CTNND2: variants seen among roughly 807,000 people sequenced by gnomAD.
CTNND2 encodes the protein catenin delta-2.
In CTNND2, 22 loss-of-function variants were observed where a neutral mutation model predicts 144.4. The ratio of observed to expected loss-of-function variants is 0.15; its 90% CI spans 0.11 to 0.22. The LOEUF is 0.22. CTNND2 is among the 10% of genes least tolerant of loss of function. The probability of loss-of-function intolerance (pLI) is 1.00; values close to 1 mark genes in which losing one functional copy is unlikely to be tolerated. For missense variants in CTNND2, 1,353 were observed against 1,618.8 expected (o/e 0.84, Z 2.82); for synonymous variants, 751 against 695.6 (o/e 1.08, Z -1.25).
chr5:11,699,857 C>T (rs72734942), intron 2 of CTNND2, among the ~76,000 whole-genome samples: 3,593 of 152,272 alleles, frequency 0.024, 71 homozygotes, highest in Non-Finnish European at 0.039. Flanking sequence ...ATAAGTACAA[C>T]GTGCCAGGGT....
intron 10 of CTNND2, among the ~76,000 whole-genome samples, chr5:11,207,385 A>T (rs536711937): frequency 1.3e-3 from 175 of 132,108 alleles, no homozygotes; most frequent in African/African-American, 3.6e-3. Context: ...TCAAGTATTT[A>T]AAAAAAAAAA....
intron 10 of CTNND2, among the ~76,000 whole-genome samples, chr5:11,214,857 T>C (rs1310084236): frequency 2.0e-5 from 3 of 152,194 alleles, no homozygotes; most frequent in Non-Finnish European, 2.9e-5. Context: ...TCAAGAATGA[T>C]GGTATGACCA....
At chr5:11,640,562 G>A (rs528906695) in intron 2 of CTNND2, among the ~76,000 whole-genome samples, 5 of 152,290 alleles carry the variant, frequency 3.3e-5, no homozygotes, top group African/African-American at 1.2e-4. Context: ...TAATTAGTAA[G>A]ACAACGGGAC....
At chr5:11,594,135 C>A (rs1024827408) in intron 2 of CTNND2, among the ~76,000 whole-genome samples, 3 of 152,190 alleles carry the variant, frequency 2.0e-5, no homozygotes, top group Non-Finnish European at 2.9e-5. Flanking sequence ...TCAGTCCCAA[C>A]TGAACACTAC....
rs566656061 is a variant in CTNND2 at position 11,565,275 on chromosome 5, T to G, written c.175-219A>C. Among the ~76,000 whole-genome samples the G allele has an allele frequency of 1.2e-4, 19 of 152,344 alleles. 1 individual carries two copies. The South Asian group carries it at 3.7e-3, about 30-fold the overall frequency. On this transcript the variant is annotated intron_variant, in intron 2 of 21. Coordinates refer to ENST00000304623, the MANE Select transcript of CTNND2 (RefSeq NM_001332.4). ...ATTCATGTAAGTATCAGTTTCATCA[T>G]TTGTAAAACAGACTTAAATACTTAT...
chr5:11,071,923 C>T (rs1306053935), intron 16 of CTNND2, among the ~76,000 whole-genome samples: 1 of 152,134 alleles, frequency 6.6e-6, no homozygotes, highest in Non-Finnish European at 1.5e-5. Flanking sequence ...TCATTTCTAT[C>T]ACTGGGAAAA....
In CTNND2 at chr5:10,982,705, T is replaced by C. The variant is rs180882342; in HGVS notation, c.3344-859A>G. On this transcript the variant is annotated intron_variant, in intron 20 of 21. Transcript: ENST00000304623. ...CAAAAGATATCTGCATTCCCATGTT[T>C]ATTGCAGTGCTGTTGACAATAGCCT... Among the ~76,000 whole-genome samples the C allele has an allele frequency of 2.5e-4, 38 of 152,342 alleles. No individual in the cohort carries two copies. In the East Asian group the frequency reaches 5.2e-3, roughly 21 times the overall value.
In CTNND2 at chr5:11,385,039, G is replaced by T. The variant is rs765655737; in HGVS notation, c.803C>A (p.Pro268Gln). The T allele has an allele frequency of 1.4e-3, 1,650 of 1,177,374 alleles. 1 individual carries two copies. Among genetic ancestry groups the T allele is most frequent in the Non-Finnish European group, 1.4e-3 (1,381 of 957,672 alleles). The allele number at this position is 1,177,374 out of a possible 1,614,324, so 72.9% of individuals were successfully genotyped here. A position where few individuals can be genotyped will look rare whatever the true frequency, so the allele number is the denominator to read the frequency against. ...TLPAPPRGGSPLAAPQGGSPT... is the reference protein window; with the variant it reads ...TLPAPPRGGSQLAAPQGGSPT... ...CGAACCGCCCTGGGGCGCGGCCAGC[G>T]GGGAGCCCCCGCGCGGCGGCGCGGG... is the stretch of plus-strand genomic sequence containing the variant. Residue 268 changes from proline to glutamine, a missense_variant, in exon 7 of 22, where the codon CCG becomes CAG. Coordinates refer to ENST00000304623, the MANE Select transcript of CTNND2 (RefSeq NM_001332.4).
intron 2 of CTNND2, among the ~76,000 whole-genome samples, chr5:11,669,789 T>TA (rs1783776800): frequency 6.6e-6 from 1 of 152,142 alleles, no homozygotes; most frequent in Admixed American, 6.5e-5. Flanking sequence ...TGTCTTCTGC[T>TA]AGCTTGTGAA....
intron 1 of CTNND2, among the ~76,000 whole-genome samples, chr5:11,803,514 C>T (rs536348286): frequency 6.6e-6 from 1 of 152,246 alleles, no homozygotes; most frequent in East Asian, 1.9e-4. Context: ...AATGATATTT[C>T]GGAGGTAGAC....
rs549539953 is a variant in CTNND2 at position 11,575,185 on chromosome 5, T to C, written c.175-10129A>G. 3.2e-4 allele frequency among the ~76,000 whole-genome samples: 48 copies of C among 152,340 alleles called. No individual in the cohort carries two copies. The South Asian group carries it at 9.7e-3, about 31-fold the overall frequency. ...CCTGTCTCCTCTCCTGGACCATATA[T>C]GCCTTGATGACAGGCACCATGCTTT... On this transcript the variant is annotated intron_variant, in intron 2 of 21. Coordinates refer to ENST00000304623, the MANE Select transcript of CTNND2 (RefSeq NM_001332.4).
chr5:11,701,144 G>T (rs2126670974), intron 2 of CTNND2, among the ~76,000 whole-genome samples: 1 of 152,240 alleles, frequency 6.6e-6, no homozygotes, highest in African/African-American at 2.4e-5. Flanking sequence ...CAAAATCATG[G>T]GCCACAGGTG....
chr5:11,598,433 C>T (rs546282374), intron 2 of CTNND2, among the ~76,000 whole-genome samples: 9 of 152,068 alleles, frequency 5.9e-5, no homozygotes, highest in Admixed American at 2.0e-4. Flanking sequence ...TCCCACTAAG[C>T]GATTCTTTAC....
At chr5:11,395,607 T>C (rs1760027644) in intron 6 of CTNND2, among the ~76,000 whole-genome samples, 1 of 152,236 alleles carries the variant, frequency 6.6e-6, no homozygotes, top group Non-Finnish European at 1.5e-5. Context: ...CAACTTTGAA[T>C]GTGGGTAGAG....
chr5:11,637,759 T>G (rs1046061859), intron 2 of CTNND2, among the ~76,000 whole-genome samples: 1 of 152,204 alleles, frequency 6.6e-6, no homozygotes, highest in Non-Finnish European at 1.5e-5. Context: ...AAATTATTTA[T>G]TATTTATTTT....
At chr5:10,994,088 AC>A (rs1430961995) in intron 18 of CTNND2, among the ~76,000 whole-genome samples, 4 of 150,754 alleles carry the variant, frequency 2.7e-5, no homozygotes, top group Non-Finnish European at 5.9e-5. Flanking sequence ...TCTGCATTCT[AC>A]AGGAAGAATT....
chr5:11,416,547 C>G (rs1004351859), intron 3 of CTNND2, among the ~76,000 whole-genome samples: 1 of 152,112 alleles, frequency 6.6e-6, no homozygotes, highest in Admixed American at 6.6e-5. Flanking sequence ...ATGCAATTGC[C>G]TATTTTATGT....
rs1738315160 is a variant in CTNND2, at chr5:10,988,635, C to T, written c.3212-393G>A. ...TTCCCTTTCCTTCCCGTGCTCCCTT[C>T]CTTAATTAGATGTGTTTCAGAAGAT... is the stretch of plus-strand genomic sequence containing the variant. On this transcript the variant is annotated intron_variant, in intron 19 of 21. Coordinates refer to ENST00000304623, the MANE Select transcript of CTNND2 (RefSeq NM_001332.4). The surrounding 1 kb of genome is among the most constrained non-coding windows in gnomAD (Gnocchi z 5.9). Among the ~76,000 whole-genome samples, 2 of 152,132 alleles carry T rather than the reference C, an allele frequency of 1.3e-5. No homozygotes were observed. The highest frequency in any genetic ancestry group is 1.3e-4 in the Admixed American group (2 of 15,274).
chr5:10,981,041 A>G lies in CTNND2; in HGVS notation c.3417+732T>C, dbSNP rs532827049. 1.4e-4 allele frequency among the ~76,000 whole-genome samples: 21 copies of G among 152,232 alleles called. No individual in the cohort carries two copies. In the South Asian group the frequency reaches 3.9e-3, roughly 29 times the overall value. On this transcript the variant is annotated intron_variant, in intron 21 of 21. Coordinates refer to ENST00000304623, the MANE Select transcript of CTNND2 (RefSeq NM_001332.4). ...CATGTACCCCAGAACTTAAAGTATAATAATAAAAATAAAATAATAATAATA... is the reference window on the plus strand; with the variant it reads ...CATGTACCCCAGAACTTAAAGTATAGTAATAAAAATAAAATAATAATAATA...
Sources: gnomAD v4.1 joint callset for allele counts (sites outside exome capture counted in the v4.1 genomes callset) on GRCh38, gnomAD v4.1.1 for gene constraint, Gnocchi (gnomAD v3.1) non-coding constraint, MANE v1.5 for transcripts, NCBI Gene and HGNC (gene_info 2026-07-23, HGNC 2026-07-21) for gene names.